Variants in TRIP6 observed in about 807,000 individuals in gnomAD.
TRIP6 encodes thyroid receptor-interacting protein 6.
Under a neutral mutation model 51.9 loss-of-function variants are expected in TRIP6, and 33 were observed. The observed-to-expected ratio is 0.64, with a 90% CI of 0.48 to 0.85. TRIP6 has a LOEUF of 0.85. Among genes scored for constraint, TRIP6 ranks in the 40% least tolerant of loss-of-function variants. TRIP6 has a pLI of 0.00. For missense variants in TRIP6, 661 were observed against 652.1 expected, an observed-to-expected ratio of 1.01 and a Z score of -0.15; for synonymous variants, 255 against 275.8, an observed-to-expected ratio of 0.92 and a Z score of 0.75.
chr7:100,870,311 G>A (rs1815240504), intron 4 of TRIP6, 59 bp from the exon 5 acceptor site: 3 of 1,550,776 alleles, frequency 1.9e-6, no homozygotes, highest in Non-Finnish European at 2.6e-6. Flanking sequence ...GCGGCTGAGG[G>A]CCCTGGTATT....
chr7:100,871,932 C>G (rs865956359), intron 7 of TRIP6, among the ~76,000 whole-genome samples: 28 of 152,208 alleles, frequency 1.8e-4, no homozygotes, highest in African/African-American at 6.5e-4. Context: ...AACTCCTGGG[C>G]TCAAGTGATC....
chr7:100,872,296 G>A (rs1190210570), intron 7 of TRIP6, among the ~76,000 whole-genome samples: 1 of 148,262 alleles, frequency 6.7e-6, no homozygotes, highest in African/African-American at 2.5e-5. Context: ...GCCGCCCAAA[G>A]TGCAGGGATA....
chr7:100,873,350 TTTGA>T lies in TRIP6; in HGVS notation c.*53_*56del, dbSNP rs1187984502. 8 of 1,566,652 alleles carry T rather than the reference TTTGA, an allele frequency of 5.1e-6. No homozygotes were observed. Among genetic ancestry groups the T allele is most frequent in the Admixed American group, 1.7e-5 (1 of 57,756 alleles). On this transcript the variant is annotated 3_prime_UTR_variant, in exon 9 of 9. Coordinates refer to ENST00000200457, the MANE Select transcript of TRIP6 (RefSeq NM_003302.3). ...GGGTTCTCAGTTCCAGTTCCCATCC[TTTGA>T]TTGATCACTCTCCCTGACATCCACC... is the stretch of plus-strand genomic sequence containing the variant.
At chr7:100,870,892 C>A in intron 6 of TRIP6, 149 bp downstream of exon 6, 1 of 1,100,602 alleles carries the variant, frequency 9.1e-7, no homozygotes, top group South Asian at 1.6e-5. Context: ...CGGAATTCTG[C>A]AAGTATCAAG....
rs1282429749 is a variant in TRIP6 at position 100,868,843 on chromosome 7, A to G, written c.712A>G (p.Arg238Gly). 3 of 1,514,748 alleles carry G rather than the reference A, an allele frequency of 2.0e-6. No individual in the cohort carries two copies. Among genetic ancestry groups the G allele is most frequent in the Non-Finnish European group, 2.6e-6 (3 of 1,137,310 alleles). The allele number at this position is 1,514,748 out of a possible 1,614,324, so 93.8% of individuals were successfully genotyped here. A position where few individuals can be genotyped will look rare whatever the true frequency, so the allele number is the denominator to read the frequency against. Residue 238 changes from arginine to glycine, a missense_variant, in exon 4 of 9, where the codon AGA (arginine) becomes GGA (glycine). Transcript: ENST00000200457. ...GGTCTCTGGCCCTGCAGGAAGAGGAAGAGGAGGCGAGCACGGGCCCCAGGT... is the reference window on the plus strand; with the variant it reads ...GGTCTCTGGCCCTGCAGGAAGAGGAGGAGGAGGCGAGCACGGGCCCCAGGT... ...AGVSGPAGRG[R>G]GGEHGPQVPL...
In TRIP6 at chr7:100,871,688, C is replaced by T. The variant is rs748720681; in HGVS notation, c.1145C>T (p.Thr382Met). 2.5e-5 allele frequency: 40 copies of T among 1,613,880 alleles called. No homozygotes were observed. The East Asian group carries it at 2.7e-4, about 11-fold the overall frequency. ...GGCATCCCCTTCACAGTGGATGCTA[C>T]GAGCCAGATCCACTGCATTGAGGAC... ...LDGIPFTVDATSQIHCIEDFH... is the reference protein window; with the variant it reads ...LDGIPFTVDAMSQIHCIEDFH... The change falls in exon 7 of 9, where the codon ACG (threonine) becomes ATG (methionine). Residue 382 changes from threonine (T) to methionine (M), a missense_variant. By Grantham distance (81) the Thr-to-Met change is moderately conservative (BLOSUM62 -1). Transcript: ENST00000200457.
At chr7:100,871,047 T>G (rs1399856413) in intron 6 of TRIP6, 1 of 567,800 alleles carries the variant, frequency 1.8e-6, no homozygotes, top group Non-Finnish European at 3.3e-6. Flanking sequence ...GTTTTTTGTT[T>G]TTTTTTGAGA....
Position 100,870,352 on chromosome 7 carries a change from C to CT in TRIP6, c.736-18_736-17insT. 1 of 1,464,774 alleles carries CT rather than the reference C, an allele frequency of 6.8e-7. No homozygotes were observed. The highest frequency in any genetic ancestry group is 9.0e-7 in the Non-Finnish European group (1 of 1,111,248). The allele number at this position is 1,464,774 out of a possible 1,614,324, so 90.7% of individuals were successfully genotyped here. On this transcript the variant is annotated splice_polypyrimidine_tract_variant and intron_variant, in intron 4 of 8. Transcript: ENST00000200457. ...ATCAGGAGCTAGAGTAGGACCGAGC[C>CT]CGATTCCCACCTTCCAGGTGCCCCT...
intron 4 of TRIP6, among the ~76,000 whole-genome samples, chr7:100,869,632 CAAAAAAAA>C (rs757024618): frequency 2.1e-4 from 8 of 37,646 alleles, no homozygotes; most frequent in Non-Finnish European, 3.3e-4. Context: ...AACTCTGTCT[CAAAAAAAA>C]AAAAAAAAAA....
chr7:100,872,195 T>TC (rs1355088493), intron 7 of TRIP6, among the ~76,000 whole-genome samples: 2 of 147,946 alleles, frequency 1.4e-5, no homozygotes, highest in Admixed American at 6.8e-5. Flanking sequence ...TTTTTTTTTT[T>TC]TTTTTTTTTG....
intron 3 of TRIP6, 64 bp downstream of exon 3, chr7:100,868,297 G>A: frequency 1.4e-5 from 22 of 1,576,300 alleles, no homozygotes; most frequent in Non-Finnish European, 1.8e-5. Flanking sequence ...GACCCAGCCT[G>A]ATCGATCCCC....
rs915511619 is a variant in TRIP6 at position 100,868,785 on chromosome 7, G to T, written c.654G>T (p.Glu218Asp). Residue 218 changes from glutamate (E) to aspartate (D), a missense_variant, in exon 4 of 9, where the codon GAG becomes GAT. Transcript: ENST00000200457. ...VWGPGYRSQR[E>D]PGPGAKEEAA... ...GGCCTGGCTATAGGAGCCAGAGAGA[G>T]CCAGGGCCAGGGGCCAAAGAGGAAG... 2 of 1,527,694 alleles carry T rather than the reference G, an allele frequency of 1.3e-6. No homozygotes were observed. The highest frequency in any genetic ancestry group is 2.8e-5 in the African/African-American group (2 of 71,642). The allele number at this position is 1,527,694 out of a possible 1,614,324, so 94.6% of individuals were successfully genotyped here. A position where few individuals can be genotyped will look rare whatever the true frequency, so the allele number is the denominator to read the frequency against.
rs759540776 is a variant in TRIP6 at position 100,873,285 on chromosome 7, C to T, written c.1413C>T (p.Thr471=). ...GGCGCATCCAGGAGCTCTCAGCCAC[C>T]GTCACCACTGACTGCTGAGTCTTCC... ...SAWRIQELSA[T]VTTDC Residue 471 remains threonine (T), a synonymous_variant, in exon 9 of 9, where the codon ACC becomes ACT. Transcript: ENST00000200457. The T allele has an allele frequency of 4.8e-5, 77 of 1,610,338 alleles. 1 individual carries two copies. In the South Asian group the frequency reaches 6.9e-4, roughly 14 times the overall value.
At chr7:100,868,386 T>C (rs947214162) in intron 3 of TRIP6, 109 bp from the exon 4 acceptor site, 133 of 1,587,666 alleles carry the variant, frequency 8.4e-5, no homozygotes, top group Admixed American at 3.7e-4. Flanking sequence ...GGACGGGACC[T>C]TGTCAAATGC....
chr7:100,867,425 G>C lies in TRIP6; in HGVS notation c.-73G>C. 1.8e-6 allele frequency: 2 copies of C among 1,129,816 alleles called. No homozygotes were observed. Among genetic ancestry groups the C allele is most frequent in the African/African-American group, 1.6e-5 (1 of 60,906 alleles). 70.0% of individuals were successfully genotyped at this position (1,129,816 alleles called of 1,614,324 possible). On this transcript the variant is annotated 5_prime_UTR_variant, in exon 1 of 9. Coordinates refer to ENST00000200457, the MANE Select transcript of TRIP6 (RefSeq NM_003302.3). This position sits in a 1 kb window ranked among gnomAD's most constrained non-coding sequence, Gnocchi z 5.4. ...TTTTCTGGAGTCCCAAACGAGGTGC[G>C]GGACGGAAGAGGGGGTGAAGGCCAG... is the stretch of plus-strand genomic sequence containing the variant.
chr7:100,868,694 C>G lies in TRIP6; in HGVS notation c.563C>G (p.Ala188Gly), dbSNP rs748045368. 1.9e-6 allele frequency: 3 copies of G among 1,593,532 alleles called. No individual in the cohort carries two copies. Among genetic ancestry groups the G allele is most frequent in the South Asian group, 2.2e-5 (2 of 89,324 alleles). The change falls in exon 4 of 9, where the codon GCC becomes GGC. Residue 188 changes from alanine (A) to glycine (G), a missense_variant. Ala to Gly is a moderately conservative substitution (Grantham distance 60). Transcript: ENST00000200457. ...VRGCGPPRRG[A>G]SQASGPLPGP... ...GGCTGCGGCCCACCCAGGCGGGGAG[C>G]CTCTCAGGCCTCTGGGCCCCTCCCG...
At chr7:100,871,110 T>C (rs764957439) in intron 6 of TRIP6, 1 of 500,636 alleles carries the variant, frequency 2.0e-6, no homozygotes, top group Non-Finnish European at 3.9e-6. Flanking sequence ...CTCTGCTCAC[T>C]GCAACCTCAG....
chr7:100,872,013 G>GTTTTTT (rs71517130), intron 7 of TRIP6, among the ~76,000 whole-genome samples: 2 of 115,252 alleles, frequency 1.7e-5, no homozygotes, highest in Non-Finnish European at 3.7e-5. Context: ...AGTTTTCTTC[G>GTTTTTT]TTTTTTTTTT....
chr7:100,869,673 C>T (rs1164350184), intron 4 of TRIP6, among the ~76,000 whole-genome samples: 4 of 150,210 alleles, frequency 2.7e-5, no homozygotes, highest in Non-Finnish European at 5.9e-5. Context: ...CCTACGGGCC[C>T]CTGGGCTGAG....
Sources: allele counts gnomAD v4.1 joint callset (sites outside exome capture counted in the v4.1 genomes callset), GRCh38; gene constraint gnomAD v4.1.1; non-coding constraint Gnocchi (gnomAD v3.1); transcripts MANE v1.5; gene names NCBI Gene and HGNC (gene_info 2026-07-23, HGNC 2026-07-21).